The following GRM7 variants were observed in gnomAD, a reference collection of about 807,000 sequenced individuals.
GRM7 encodes glutamate metabotropic receptor 7.
GRM7 carries 35 observed loss-of-function variants against 84.5 expected under a neutral mutation model. The ratio of observed to expected loss-of-function variants is 0.41; its 90% CI spans 0.32 to 0.55. The LOEUF (loss-of-function observed/expected upper bound fraction) is 0.55, where lower values mean the gene tolerates loss of function less well. GRM7 is among the 20% of genes least tolerant of loss of function. GRM7 has a pLI of 0.19. For synonymous variants in GRM7, 487 were observed against 455.1 expected, an observed-to-expected ratio of 1.07 and a Z score of -0.89; for missense variants, 1,003 against 1,194.6, an observed-to-expected ratio of 0.84 and a Z score of 2.36.
intron 1 of GRM7, among the ~76,000 whole-genome samples, chr3:6,886,482 C>CT (rs1388310305): frequency 1.3e-5 from 2 of 152,102 alleles, no homozygotes; most frequent in Non-Finnish European, 2.9e-5. Flanking sequence ...TACCTTAGAA[C>CT]TTAAAGTATA....
intron 1 of GRM7, among the ~76,000 whole-genome samples, chr3:6,999,721 G>C (rs1178799848): frequency 6.6e-6 from 1 of 152,174 alleles, no homozygotes; most frequent in African/African-American, 2.4e-5. Context: ...GAAGTGCAGA[G>C]TGAAGGAAGG....
At chr3:7,278,551 G>A (rs141044043) in intron 2 of GRM7, among the ~76,000 whole-genome samples, 14 of 152,018 alleles carry the variant, frequency 9.2e-5, no homozygotes, top group African/African-American at 3.1e-4. Flanking sequence ...TTATTTAATT[G>A]ATAGGTGTTT....
chr3:7,053,423 G>T (rs1386760715), intron 1 of GRM7, among the ~76,000 whole-genome samples: 2 of 151,456 alleles, frequency 1.3e-5, no homozygotes, highest in African/African-American at 4.8e-5. Context: ...CCCTGTTTCT[G>T]TCTTTTATTC....
intron 4 of GRM7, among the ~76,000 whole-genome samples, chr3:7,329,733 A>G (rs1019353862): frequency 2.0e-5 from 3 of 152,042 alleles, no homozygotes; most frequent in Non-Finnish European, 2.9e-5. Flanking sequence ...GTGTGTGTAT[A>G]CGTGTGTGTG....
chr3:7,703,134 T>C (rs1243014325), intron 9 of GRM7, among the ~76,000 whole-genome samples: 1 of 152,114 alleles, frequency 6.6e-6, no homozygotes, highest in East Asian at 1.9e-4. Flanking sequence ...GTGAATCTAA[T>C]GTCAGCTAGA....
intron 9 of GRM7, chr3:7,686,582 G>A (rs942556000): frequency 2.5e-5 from 15 of 592,574 alleles, no homozygotes; most frequent in South Asian, 4.4e-5. Context: ...AAAGATGATC[G>A]ATTTGATAAG....
chr3:7,144,681 G>A (rs930762141), intron 1 of GRM7, among the ~76,000 whole-genome samples: 1 of 152,200 alleles, frequency 6.6e-6, no homozygotes, highest in East Asian at 1.9e-4. Context: ...CTTGATCTTA[G>A]TGATGTAACC....
intron 4 of GRM7, among the ~76,000 whole-genome samples, chr3:7,317,406 G>C (rs1449953344): frequency 1.3e-5 from 2 of 152,142 alleles, no homozygotes; most frequent in African/African-American, 4.8e-5. Flanking sequence ...CTGTCCTCTA[G>C]AATACCAAGT....
chr3:6,921,833 C>A (rs998544850), intron 1 of GRM7, among the ~76,000 whole-genome samples: 1 of 152,104 alleles, frequency 6.6e-6, no homozygotes, highest in Non-Finnish European at 1.5e-5. Flanking sequence ...CTCCTCTCCC[C>A]CCAAATCACA....
chr3:6,995,318 A>G (rs1559373565), intron 1 of GRM7, among the ~76,000 whole-genome samples: 2 of 152,240 alleles, frequency 1.3e-5, no homozygotes, highest in African/African-American at 2.4e-5. Flanking sequence ...GGGTAGCACA[A>G]ATAATGGTCA....
chr3:7,126,456 A>G (rs1291576804), intron 1 of GRM7, among the ~76,000 whole-genome samples: 2 of 152,188 alleles, frequency 1.3e-5, no homozygotes, highest in Non-Finnish European at 2.9e-5. Flanking sequence ...CACATATGAC[A>G]TATGAAACCC....
chr3:7,031,455 C>T (rs1200868473), intron 1 of GRM7, among the ~76,000 whole-genome samples: 3 of 151,654 alleles, frequency 2.0e-5, no homozygotes, highest in Non-Finnish European at 2.9e-5. Context: ...CTTGCTCTGT[C>T]GCCCAGGCTA....
intron 7 of GRM7, among the ~76,000 whole-genome samples, chr3:7,541,890 AT>A (rs1692902582): frequency 6.6e-6 from 1 of 152,196 alleles, no homozygotes; most frequent in African/African-American, 2.4e-5. Context: ...AATCAAGAGC[AT>A]TGCCATACTC....
intron 1 of GRM7, among the ~76,000 whole-genome samples, chr3:7,060,845 A>G (rs1231728527): frequency 6.6e-6 from 1 of 151,738 alleles, no homozygotes; most frequent in Non-Finnish European, 1.5e-5. Context: ...TCTTTGAAGC[A>G]TATGTTGATG....
At chr3:7,374,062 G>A (rs991051847) in intron 4 of GRM7, among the ~76,000 whole-genome samples, 4 of 152,030 alleles carry the variant, frequency 2.6e-5, no homozygotes, top group African/African-American at 7.2e-5. Flanking sequence ...CATTATGATC[G>A]CTGGGATCTT....
intron 2 of GRM7, among the ~76,000 whole-genome samples, chr3:7,245,136 A>T (rs1284414415): frequency 6.6e-6 from 1 of 152,044 alleles, no homozygotes; most frequent in Non-Finnish European, 1.5e-5. Context: ...ACCCAAACTG[A>T]TTGAAAAATT....
Position 6,983,149 on chromosome 3 carries a change from G to A in GRM7, c.519+121242G>A, listed in dbSNP as rs181407497. On this transcript the variant is annotated intron_variant, in intron 1 of 9. Transcript: ENST00000357716. ...TTTTGTATTCAATAAGCAAAGTGAA[G>A]GATTGTAAAAGCAACATAGGCTGGA... Among the ~76,000 whole-genome samples, 31 of 152,240 alleles carry A rather than the reference G, an allele frequency of 2.0e-4. No individual in the cohort carries two copies. The East Asian group carries it at 5.6e-3, about 27-fold the overall frequency.
intron 4 of GRM7, among the ~76,000 whole-genome samples, chr3:7,333,328 C>G (rs184508099): frequency 5.3e-5 from 8 of 152,274 alleles, no homozygotes; most frequent in African/African-American, 1.9e-4. Context: ...CAGACATTCG[C>G]CAGCACCAGC....
In GRM7 at chr3:7,358,520, G is replaced by A. The variant is rs1693509948; in HGVS notation, c.1033+51868G>A. Reference sequence around the variant, plus strand: ...CCATGGCCAAATATATTTGGAAAATGTATTCTATCATTTTTTTCTGAAAAA... The same window carrying A: ...CCATGGCCAAATATATTTGGAAAATATATTCTATCATTTTTTTCTGAAAAA... On this transcript the variant is annotated intron_variant, in intron 4 of 9. Coordinates refer to ENST00000357716, the MANE Select transcript of GRM7 (RefSeq NM_000844.4). 2.0e-5 allele frequency among the ~76,000 whole-genome samples: 3 copies of A among 148,544 alleles called. No individual in the cohort carries two copies. In the South Asian group the frequency reaches 6.3e-4, roughly 31 times the overall value.
Sources: allele counts gnomAD v4.1 joint callset (sites outside exome capture counted in the v4.1 genomes callset), GRCh38; gene constraint gnomAD v4.1.1; transcripts MANE v1.5; gene names NCBI Gene and HGNC (gene_info 2026-07-23, HGNC 2026-07-21).